The following AMOTL1 variants were observed in gnomAD, a reference collection of about 807,000 sequenced individuals.
The protein encoded by AMOTL1 is angiomotin-like protein 1.
AMOTL1 carries 45 observed loss-of-function variants against 102.9 expected under a neutral mutation model. The ratio of observed to expected loss-of-function variants is 0.44; its 90% CI spans 0.34 to 0.56. AMOTL1 has a LOEUF of 0.56. Ranked by LOEUF, AMOTL1 falls within the 20% of genes least tolerant of loss-of-function variation. The pLI, the probability that AMOTL1 is intolerant of heterozygous loss-of-function variation, is 0.01. For missense variants in AMOTL1, 1,114 were observed against 1,225.6 expected (o/e 0.91, Z 1.36); for synonymous variants, 481 against 484.7 (o/e 0.99, Z 0.10).
chr11:94,810,496 CAA>C (rs5793699), intron 3 of AMOTL1, among the ~76,000 whole-genome samples: 4 of 133,522 alleles, frequency 3.0e-5, no homozygotes, highest in Admixed American at 7.6e-5. Flanking sequence ...TATTTTAGTC[CAA>C]AAAAAAAAAA....
rs193249508 is a variant in AMOTL1, at chr11:94,856,435, T to C, written c.1944+2353T>C. Among the ~76,000 whole-genome samples, 6 of 151,502 alleles carry C rather than the reference T, an allele frequency of 4.0e-5. No individual in the cohort carries two copies. The East Asian group carries it at 1.2e-3, about 29-fold the overall frequency. On this transcript the variant is annotated intron_variant, in intron 8 of 12. Coordinates refer to ENST00000433060, the MANE Select transcript of AMOTL1 (RefSeq NM_130847.3). ...AGGGCAAAGTGTATCTAAACTCATT[T>C]TTGGGGCCTGTGGGCTGGTCTGGGG... is the stretch of plus-strand genomic sequence containing the variant.
chr11:94,716,385 T>C (rs1950099272), intron 1 of AMOTL1, among the ~76,000 whole-genome samples: 2 of 152,292 alleles, frequency 1.3e-5, no homozygotes, highest in Admixed American at 6.5e-5. Context: ...GTTGTATGTT[T>C]CCTTGTTCTT....
At chr11:94,707,296 T>C (rs1164102173) in intron 1 of AMOTL1, among the ~76,000 whole-genome samples, 1 of 147,040 alleles carries the variant, frequency 6.8e-6, no homozygotes, top group East Asian at 2.2e-4. Context: ...AGGCAGACCC[T>C]GTGCTCCTAG....
intron 9 of AMOTL1, among the ~76,000 whole-genome samples, chr11:94,859,934 G>A (rs1952742121): frequency 6.6e-6 from 1 of 152,016 alleles, no homozygotes; most frequent in African/African-American, 2.4e-5. Flanking sequence ...CACAATTCAA[G>A]TTCTAGATAT....
At chr11:94,829,625 A>C (rs1380133977) in intron 4 of AMOTL1, among the ~76,000 whole-genome samples, 2 of 152,178 alleles carry the variant, frequency 1.3e-5, no homozygotes, top group Non-Finnish European at 1.5e-5. Flanking sequence ...TGGAAAGTGC[A>C]CTGTACTTGG....
chr11:94,824,295 C>T (rs1951922729), intron 4 of AMOTL1, among the ~76,000 whole-genome samples: 1 of 152,104 alleles, frequency 6.6e-6, no homozygotes, highest in African/African-American at 2.4e-5. Flanking sequence ...CAATTTTAAG[C>T]AAAGCCAATT....
At position 94,859,672 on chromosome 11, in the gene AMOTL1, C is replaced by T; in HGVS notation, c.2092C>T (p.Arg698Ter). The T allele has an allele frequency of 6.2e-7, 1 of 1,612,376 alleles. No homozygotes were observed. Among genetic ancestry groups the T allele is most frequent in the Non-Finnish European group, 8.5e-7 (1 of 1,179,192 alleles). ...GAAGTACCTGGAGGAGAGCACCATC[C>T]GACACTTTGCCATGAATGCCGCAGC... ...EQKYLEESTI[R>*]HFAMNAAATA... Residue 698 changes from arginine (R) to a stop codon, truncating the protein, a stop_gained, in exon 9 of 13, where the codon CGA becomes TGA. Transcript: ENST00000433060. LOFTEE classifies it high-confidence loss of function.
chr11:94,710,152 A>C (rs578092737), intron 1 of AMOTL1, among the ~76,000 whole-genome samples: 1 of 152,272 alleles, frequency 6.6e-6, no homozygotes, highest in South Asian at 2.1e-4. Flanking sequence ...GGCTGTGCCC[A>C]ATCCTCCACA....
chr11:94,827,187 A>G lies in AMOTL1; in HGVS notation c.1414-2863A>G, dbSNP rs138979965. Among the ~76,000 whole-genome samples, 911 of 152,356 alleles carry G rather than the reference A, an allele frequency of 6.0e-3. 16 individuals carry two copies. The highest frequency in any genetic ancestry group is 0.021 in the African/African-American group (875 of 41,576). ...TAGTCGAATCAGAGCCGCACAGTGC[A>G]GATGCAGATTAGAATTCCAATGAGG... On this transcript the variant is annotated intron_variant, in intron 4 of 12. Coordinates refer to ENST00000433060, the MANE Select transcript of AMOTL1 (RefSeq NM_130847.3).
At chr11:94,714,895 T>C (rs1250903106) in intron 1 of AMOTL1, among the ~76,000 whole-genome samples, 1 of 152,126 alleles carries the variant, frequency 6.6e-6, no homozygotes, top group Non-Finnish European at 1.5e-5. Flanking sequence ...TTAATTTTTT[T>C]CCTTCCGCTT....
chr11:94,826,694 G>A (rs927198577), intron 4 of AMOTL1, among the ~76,000 whole-genome samples: 13 of 152,066 alleles, frequency 8.5e-5, no homozygotes, highest in African/African-American at 2.9e-4. Flanking sequence ...CAAGGGACCC[G>A]CCCCCATGAC....
chr11:94,707,234 CTCTCTCTCTCTCTCTCTGTG>C (rs1458880280), intron 1 of AMOTL1, among the ~76,000 whole-genome samples: 18 of 126,962 alleles, frequency 1.4e-4, no homozygotes, highest in African/African-American at 3.4e-4. Flanking sequence ...CTCTCTCTCT[CTCTCTCTCTCTCTCTCTGTG>C]TGTGTGTGTG....
chr11:94,830,256 A>G, intron 5 of AMOTL1, 62 bp downstream of exon 5: 1 of 1,477,414 alleles, frequency 6.8e-7, no homozygotes, highest in Non-Finnish European at 9.0e-7. Context: ...AGCTAAAAGC[A>G]CGACTTCAAG....
At chr11:94,738,363 T>C (rs1432553439) in intron 2 of AMOTL1, among the ~76,000 whole-genome samples, 1 of 152,050 alleles carries the variant, frequency 6.6e-6, no homozygotes, top group African/African-American at 2.4e-5. Flanking sequence ...TATCAAGCGA[T>C]TCTCCTGCCT....
intron 1 of AMOTL1, among the ~76,000 whole-genome samples, chr11:94,726,136 T>C (rs928151463): frequency 6.6e-6 from 1 of 152,200 alleles, no homozygotes; most frequent in Non-Finnish European, 1.5e-5. Flanking sequence ...GCCAAGTTTC[T>C]GGCTTGGGCA....
At position 94,870,744 on chromosome 11, in the gene AMOTL1, G is replaced by C. The variant is rs898576146; in HGVS notation, c.2820G>C (p.Leu940Phe). Residue 940 changes from leucine (L) to phenylalanine (F), a missense_variant, in exon 13 of 13, where the codon TTG becomes TTC. Leu to Phe is a conservative substitution (Grantham distance 22). Transcript: ENST00000433060. ...SPDHRGRVSS[L>F]LHKPEFPDGE... The stretch of plus-strand genomic sequence containing the variant: ...ACCACAGAGGCCGGGTCAGCAGCTT[G>C]CTGCACAAGCCCGAGTTCCCTGATG... The C allele has an allele frequency of 1.2e-6, 2 of 1,603,998 alleles. No individual in the cohort carries two copies. Among genetic ancestry groups the C allele is most frequent in the African/African-American group, 2.7e-5 (2 of 74,810 alleles).
Position 94,768,423 on chromosome 11 carries a change from G to A in AMOTL1, c.-89G>A, listed in dbSNP as rs1950886575. 1 of 1,540,728 alleles carries A rather than the reference G, an allele frequency of 6.5e-7. No homozygotes were observed. ...TGGGGCTGGAGGTGAAGCCCTGTGTGAATGGGGTTGATTGTCCGGCGCCAC... is the reference window on the plus strand; with the variant it reads ...TGGGGCTGGAGGTGAAGCCCTGTGTAAATGGGGTTGATTGTCCGGCGCCAC... On this transcript the variant is annotated 5_prime_UTR_variant, in exon 1 of 13. Coordinates refer to ENST00000433060, the MANE Select transcript of AMOTL1 (RefSeq NM_130847.3).
At chr11:94,852,314 G>A (rs918810955) in intron 7 of AMOTL1, among the ~76,000 whole-genome samples, 1 of 152,216 alleles carries the variant, frequency 6.6e-6, no homozygotes. Context: ...GCTTCAGCTA[G>A]GACAGGATAT....
chr11:94,707,967 A>G (rs1949957683), intron 1 of AMOTL1, among the ~76,000 whole-genome samples: 1 of 152,170 alleles, frequency 6.6e-6, no homozygotes, highest in East Asian at 1.9e-4. Context: ...CTTACCTCCC[A>G]GCAGCATCCA....
Sources: allele counts gnomAD v4.1 joint callset (sites outside exome capture counted in the v4.1 genomes callset), GRCh38; gene constraint gnomAD v4.1.1; transcripts MANE v1.5; gene names NCBI Gene and HGNC (gene_info 2026-07-23, HGNC 2026-07-21).